Variants in ABHD10 observed in about 807,000 individuals in gnomAD.
ABHD10 encodes palmitoyl-protein thioesterase ABHD10, mitochondrial.
ABHD10 carries 22 observed loss-of-function variants against 33.1 expected under a neutral mutation model. The observed-to-expected ratio is 0.66, with a 90% CI of 0.47 to 0.95. The LOEUF is 0.95. ABHD10 is among the 40% of genes least tolerant of loss of function. The pLI, the probability that ABHD10 is intolerant of heterozygous loss-of-function variation, is 0.00. For synonymous variants in ABHD10, 146 were observed against 133.9 expected (o/e 1.09, Z -0.62); for missense variants, 352 against 379.9 (o/e 0.93, Z 0.61).
At chr3:111,987,602 T>C (rs1056994536) in intron 4 of ABHD10, among the ~76,000 whole-genome samples, 1 of 152,212 alleles carries the variant, frequency 6.6e-6, no homozygotes, top group Non-Finnish European at 1.5e-5. Context: ...ATCTAAATCA[T>C]TGCCAGATTA....
At chr3:111,984,481 A>G (rs1289259196) in intron 2 of ABHD10, among the ~76,000 whole-genome samples, 1 of 152,198 alleles carries the variant, frequency 6.6e-6, no homozygotes, top group Non-Finnish European at 1.5e-5. Flanking sequence ...TGTGAAACAC[A>G]TAAGAAAACA....
rs1559935390 is a variant in ABHD10, at chr3:111,981,867, C to T, written c.226C>T (p.Pro76Ser). Residue 76 changes from proline to serine, a missense_variant, in exon 2 of 5, where the codon CCA becomes TCA. By Grantham distance (74) the Pro-to-Ser change is moderately conservative. Transcript: ENST00000273359. ...LAYKKLKGKS[P>S]GIIFIPGYLS... ...TTATAAGAAGCTAAAAGGCAAAAGT[C>T]CAGGAATTATCTTCATCCCTGGCTA... 1.2e-6 allele frequency: 2 copies of T among 1,607,452 alleles called. No homozygotes were observed. Among genetic ancestry groups the T allele is most frequent in the Non-Finnish European group, 1.7e-6 (2 of 1,175,394 alleles).
chr3:111,981,305 C>G (rs1490430024), intron 1 of ABHD10, among the ~76,000 whole-genome samples: 3 of 129,472 alleles, frequency 2.3e-5, no homozygotes, highest in Admixed American at 8.0e-5. Context: ...AGGTGAGACC[C>G]TGTCTCAAAA....
At chr3:111,987,112 C>G in intron 4 of ABHD10, 61 bp downstream of exon 4, 15 of 1,562,626 alleles carry the variant, frequency 9.6e-6, no homozygotes, top group South Asian at 9.5e-5. Context: ...CTTCTGCTCC[C>G]TCTTTCTTTG....
At chr3:111,985,785 A>C (rs2072649627) in intron 2 of ABHD10, among the ~76,000 whole-genome samples, 1 of 149,938 alleles carries the variant, frequency 6.7e-6, no homozygotes, top group South Asian at 2.2e-4. Flanking sequence ...GGGAGCTTCA[A>C]GAAGCAAAGC....
Position 111,980,874 on chromosome 3 carries a change from C to A in ABHD10, c.143-910C>A, listed in dbSNP as rs562998336. On this transcript the variant is annotated intron_variant, in intron 1 of 4. Coordinates refer to ENST00000273359, the MANE Select transcript of ABHD10 (RefSeq NM_018394.4). The stretch of plus-strand genomic sequence containing the variant: ...AAAATTATGAGTTGTTACCATGGCT[C>A]ATGATTTCTTGGTTGAGGTAGGCGG... 2.6e-5 allele frequency among the ~76,000 whole-genome samples: 4 copies of A among 152,126 alleles called. No individual in the cohort carries two copies. The South Asian group carries it at 8.3e-4, about 32-fold the overall frequency.
rs532645485 is a variant in ABHD10, at chr3:111,985,035, G to A, written c.327-1229G>A. Among the ~76,000 whole-genome samples the A allele has an allele frequency of 5.4e-4, 82 of 152,338 alleles. 2 individuals are homozygous for A. In the South Asian group the frequency reaches 0.011, roughly 21 times the overall value. On this transcript the variant is annotated intron_variant, in intron 2 of 4. Coordinates refer to ENST00000273359, the MANE Select transcript of ABHD10 (RefSeq NM_018394.4). The stretch of plus-strand genomic sequence containing the variant: ...ACTTGATTACAATACAATATGAAAA[G>A]TGTTGAGTACATACAAAAGAAAGTG...
chr3:111,981,263 G>C (rs1228191507), intron 1 of ABHD10, among the ~76,000 whole-genome samples: 1 of 145,950 alleles, frequency 6.9e-6, no homozygotes. Flanking sequence ...CGTAAGCTAG[G>C]ATTGCACCAC....
chr3:111,991,448 C>T lies in ABHD10; in HGVS notation c.648C>T (p.Asn216=), dbSNP rs541804722. The T allele has an allele frequency of 1.5e-5, 24 of 1,613,234 alleles. No homozygotes were observed. Among genetic ancestry groups the T allele is most frequent in the South Asian group, 1.4e-4 (13 of 90,848 alleles). ...PSKYSEEGVY[N]VQYSFIKEAE... is the part of the protein sequence containing the mutation. Reference sequence around the variant, plus strand: ...AATACTCTGAAGAAGGAGTTTATAACGTTCAGTACAGTTTCATTAAAGAAG... The same window carrying T: ...AATACTCTGAAGAAGGAGTTTATAATGTTCAGTACAGTTTCATTAAAGAAG... The change falls in exon 5 of 5, where the codon AAC becomes AAT. Residue 216 remains asparagine (N), a synonymous_variant. Coordinates refer to ENST00000273359, the MANE Select transcript of ABHD10 (RefSeq NM_018394.4).
rs754838180 is a variant in ABHD10 at position 111,986,339 on chromosome 3, T to G, written c.402T>G (p.Val134=). The G allele has an allele frequency of 6.2e-7, 1 of 1,613,998 alleles. No individual in the cohort carries two copies. Among genetic ancestry groups the G allele is most frequent in the South Asian group, 1.1e-5 (1 of 91,072 alleles). ...ESTLGKWRKD[V]LSIIDDLADG... is the part of the protein sequence containing the mutation. Reference sequence around the variant, plus strand: ...CACTGGGGAAATGGAGAAAAGATGTTCTTTCTATAATTGATGACTTAGCTG... The same window carrying G: ...CACTGGGGAAATGGAGAAAAGATGTGCTTTCTATAATTGATGACTTAGCTG... The change falls in exon 3 of 5, where the codon GTT becomes GTG. Residue 134 remains valine (V), a synonymous_variant. Coordinates refer to ENST00000273359, the MANE Select transcript of ABHD10 (RefSeq NM_018394.4).
intron 2 of ABHD10, among the ~76,000 whole-genome samples, chr3:111,982,643 A>C (rs1474456232): frequency 6.6e-6 from 1 of 152,168 alleles, no homozygotes; most frequent in Non-Finnish European, 1.5e-5. Flanking sequence ...TCGAGCAATA[A>C]CTATGACAAG....
rs2072744839 is a variant in ABHD10 at position 111,991,903 on chromosome 3, T to G, written c.*182T>G. 2 of 501,344 alleles carry G rather than the reference T, an allele frequency of 4.0e-6. No individual in the cohort carries two copies. Among genetic ancestry groups the G allele is most frequent in the South Asian group, 7.5e-5 (2 of 26,748 alleles). 31.1% of individuals were successfully genotyped at this position (501,344 alleles called of 1,614,324 possible). A position where few individuals can be genotyped will look rare whatever the true frequency, so the allele number is the denominator to read the frequency against. On this transcript the variant is annotated 3_prime_UTR_variant, in exon 5 of 5. Coordinates refer to ENST00000273359, the MANE Select transcript of ABHD10 (RefSeq NM_018394.4). ...ATTGTGAAGAAGGACCAGCTGCTGT[T>G]TAGAAAATTTTCTCCTTCCTTCTGT...
At chr3:111,985,454 C>T (rs1577249618) in intron 2 of ABHD10, among the ~76,000 whole-genome samples, 1 of 152,162 alleles carries the variant, frequency 6.6e-6, no homozygotes, top group Admixed American at 6.5e-5. Context: ...CACTAAGCAC[C>T]TACCACTCGC....
intron 2 of ABHD10, among the ~76,000 whole-genome samples, chr3:111,985,957 C>G (rs2072651841): frequency 6.6e-6 from 1 of 152,098 alleles, no homozygotes; most frequent in South Asian, 2.1e-4. Context: ...AAGGATCACT[C>G]TACTATATAG....
At position 111,991,586 on chromosome 3, in the gene ABHD10, T is replaced by G; in HGVS notation, c.786T>G (p.Asp262Glu). ...GGCATACATCAATGCAGGTTGCCGATCGAGTACTCAGCACAGATGTGGATG... is the reference window on the plus strand; with the variant it reads ...GGCATACATCAATGCAGGTTGCCGAGCGAGTACTCAGCACAGATGTGGATG... ...VPWHTSMQVA[D>E]RVLSTDVDVI... Residue 262 changes from aspartate to glutamate, a missense_variant, in exon 5 of 5, where the codon GAT (aspartate) becomes GAG (glutamate). Coordinates refer to ENST00000273359, the MANE Select transcript of ABHD10 (RefSeq NM_018394.4). 1 of 1,614,148 alleles carries G rather than the reference T, an allele frequency of 6.2e-7. No individual in the cohort carries two copies. The highest frequency in any genetic ancestry group is 8.5e-7 in the Non-Finnish European group (1 of 1,179,990).
Position 111,991,380 on chromosome 3 carries a change from A to C in ABHD10, c.580A>C (p.Lys194Gln). 1 of 1,593,356 alleles carries C rather than the reference A, an allele frequency of 6.3e-7. No homozygotes were observed. Among genetic ancestry groups the C allele is most frequent in the South Asian group, 1.2e-5 (1 of 85,918 alleles). The change falls in exon 5 of 5, where the codon AAA (lysine) becomes CAA (glutamine). Residue 194 changes from lysine to glutamine, a missense_variant. Coordinates refer to ENST00000273359, the MANE Select transcript of ABHD10 (RefSeq NM_018394.4). ...TKFNQLPVEL[K>Q]KEVEMKGVWS... is the part of the protein sequence containing the mutation. ...TTTTTCTTTCTTTTTCCAATAGCTA[A>C]AAAAGGAAGTAGAGATGAAAGGTGT...
chr3:111,982,143 T>A, intron 2 of ABHD10, 176 bp downstream of exon 2: 1 of 492,052 alleles, frequency 2.0e-6, no homozygotes, highest in Non-Finnish European at 3.2e-6. Context: ...AAAGACCTTT[T>A]TTAAAGGCCT....
At chr3:111,980,133 T>C (rs2072563499) in intron 1 of ABHD10, among the ~76,000 whole-genome samples, 1 of 152,234 alleles carries the variant, frequency 6.6e-6, no homozygotes, top group South Asian at 2.1e-4. Flanking sequence ...TATATGAATC[T>C]GTCTACTTAG....
intron 1 of ABHD10, among the ~76,000 whole-genome samples, chr3:111,979,819 C>A (rs1407817478): frequency 6.6e-6 from 1 of 152,204 alleles, no homozygotes; most frequent in Admixed American, 6.5e-5. Context: ...GTGGTTCACA[C>A]CATTGCCACG....
Sources: gnomAD v4.1 joint callset for allele counts (sites outside exome capture counted in the v4.1 genomes callset) on GRCh38, gnomAD v4.1.1 for gene constraint, MANE v1.5 for transcripts, NCBI Gene and HGNC (gene_info 2026-07-23, HGNC 2026-07-21) for gene names.